The following RNF125 variants were observed in gnomAD, a reference collection of about 807,000 sequenced individuals.
RNF125 encodes the protein ring finger protein 125.
Under a neutral mutation model 26.0 loss-of-function variants are expected in RNF125, and 21 were observed. The ratio of observed to expected loss-of-function variants is 0.81; its 90% confidence interval spans 0.57 to 1.16. The LOEUF (loss-of-function observed/expected upper bound fraction) is 1.16. Ranked by LOEUF, RNF125 falls within the 50% of genes most tolerant of loss-of-function variation. The probability of loss-of-function intolerance (pLI) is 0.00; values close to 1 mark genes in which losing one functional copy is unlikely to be tolerated. For synonymous variants in RNF125, 95 were observed against 109.2 expected (o/e 0.87, Z 0.81); for missense variants, 270 against 299.4 (o/e 0.90, Z 0.72).
chr18:32,037,666 C>T (rs900882384), intron 2 of RNF125, among the ~76,000 whole-genome samples: 3 of 152,080 alleles, frequency 2.0e-5, no homozygotes, highest in African/African-American at 7.2e-5. Context: ...AGCTGGACTT[C>T]CCGGGTAGAG....
intron 3 of RNF125, among the ~76,000 whole-genome samples, chr18:32,044,883 G>A (rs531899411): frequency 1.3e-5 from 2 of 152,092 alleles, no homozygotes; most frequent in Admixed American, 6.5e-5. Context: ...CACTTTGGGA[G>A]GTCAAGGCGG....
intron 4 of RNF125, among the ~76,000 whole-genome samples, chr18:32,046,214 CAAAAAAAAAAA>C (rs768054716): frequency 1.3e-5 from 1 of 76,176 alleles, no homozygotes; most frequent in South Asian, 5.1e-4. Flanking sequence ...AAGACTGTCT[CAAAAAAAAAAA>C]AAAAAAAAAA....
chr18:32,030,760 A>G (rs2039085519), intron 1 of RNF125, among the ~76,000 whole-genome samples: 1 of 152,244 alleles, frequency 6.6e-6, no homozygotes, highest in African/African-American at 2.4e-5. Flanking sequence ...GAGGCTAGGA[A>G]GTCCAAGAGC....
At chr18:32,041,054 C>T (rs1337997939) in intron 2 of RNF125, among the ~76,000 whole-genome samples, 2 of 152,098 alleles carry the variant, frequency 1.3e-5, no homozygotes, top group Admixed American at 6.6e-5. Flanking sequence ...GTTTAACTTC[C>T]GTAGCTTGGG....
intron 1 of RNF125, among the ~76,000 whole-genome samples, chr18:32,032,852 C>CA (rs113015805): frequency 9.3e-5 from 14 of 150,356 alleles, no homozygotes; most frequent in African/African-American, 2.7e-4. Context: ...AGACATCTGG[C>CA]AAAAAAAACC....
chr18:32,043,651 C>G (rs1315098603), intron 3 of RNF125, among the ~76,000 whole-genome samples: 1 of 152,066 alleles, frequency 6.6e-6, no homozygotes, highest in East Asian at 1.9e-4. Context: ...AGGTTGATGG[C>G]TTTTATGAAA....
chr18:32,019,169 G>A, intron 1 of RNF125, 142 bp downstream of exon 1: 1 of 976,956 alleles, frequency 1.0e-6, no homozygotes, highest in Non-Finnish European at 1.5e-6. Flanking sequence ...CCCGTCGGAT[G>A]CAGGACCACG....
intron 4 of RNF125, among the ~76,000 whole-genome samples, chr18:32,062,405 T>C (rs2039443313): frequency 6.6e-6 from 1 of 152,190 alleles, no homozygotes; most frequent in African/African-American, 2.4e-5. Context: ...TCAGGGAAAA[T>C]TAAATGCTGT....
At chr18:32,019,516 G>A (rs2038965198) in intron 1 of RNF125, among the ~76,000 whole-genome samples, 2 of 152,216 alleles carry the variant, frequency 1.3e-5, no homozygotes, top group African/African-American at 4.8e-5. Context: ...TGCTGGAGCT[G>A]TGCACGTGTT....
In RNF125 at chr18:32,057,526, AG is replaced by A. The variant is rs560797640; in HGVS notation, c.505-8375del. 5.2e-3 allele frequency among the ~76,000 whole-genome samples: 786 copies of A among 151,642 alleles called. 7 individuals carry two copies. Among genetic ancestry groups the A allele is most frequent in the African/African-American group, 0.018 (746 of 41,380 alleles). On this transcript the variant is annotated intron_variant, in intron 4 of 5. Coordinates refer to ENST00000217740, the MANE Select transcript of RNF125 (RefSeq NM_017831.4). ...ATTTTTATATTTTTAGTAGAGACGG[AG>A]TTTCTCCATGTTGGTCAGGCTGGTC...
At chr18:32,060,134 A>G (rs1257016943) in intron 4 of RNF125, among the ~76,000 whole-genome samples, 1 of 152,232 alleles carries the variant, frequency 6.6e-6, no homozygotes, top group Non-Finnish European at 1.5e-5. Flanking sequence ...ATTGCATAGA[A>G]AGGGCCTATT....
Position 32,041,620 on chromosome 18 carries a change from C to CTTTTTTT in RNF125, c.319-537_319-531dup, listed in dbSNP as rs60264747. 1.8e-4 allele frequency among the ~76,000 whole-genome samples: 17 copies of CTTTTTTT among 93,276 alleles called. 2 individuals are homozygous for CTTTTTTT. The highest frequency in any genetic ancestry group is 3.5e-4 in the African/African-American group (9 of 25,420). 61.2% of individuals were successfully genotyped at this position (93,276 alleles called of 152,430 possible). A position where few individuals can be genotyped will look rare whatever the true frequency, so the allele number is the denominator to read the frequency against. Reference sequence around the variant, plus strand: ...CTATCTACTTTAAAAAATGTAGATGCTTTTTTTTTTTTTTTTTTTTTTTTT... The same window carrying CTTTTTTT: ...CTATCTACTTTAAAAAATGTAGATGCTTTTTTTTTTTTTTTTTTTTTTTTTTTTTTTT... On this transcript the variant is annotated intron_variant, in intron 2 of 5. Transcript: ENST00000217740.
intron 1 of RNF125, among the ~76,000 whole-genome samples, chr18:32,026,290 CCAGGCTAGAGTG>C (rs1409502030): frequency 1.6e-5 from 2 of 124,706 alleles, no homozygotes; most frequent in Non-Finnish European, 3.2e-5. Flanking sequence ...GCTCTGTCGT[CCAGGCTAGAGTG>C]CAGTGGCCCG....
chr18:32,078,767 G>A, the RNF125 span, among the ~76,000 whole-genome samples: 2 of 152,038 alleles, frequency 1.3e-5, no homozygotes, highest in Non-Finnish European at 2.9e-5. Context: ...AATTCTCATA[G>A]AGCAATCCTT....
the RNF125 span, among the ~76,000 whole-genome samples, chr18:32,090,220 T>G: frequency 4.6e-5 from 7 of 152,174 alleles, no homozygotes; most frequent in East Asian, 1.3e-3. Flanking sequence ...CACCCCAGCC[T>G]GGGTGACAGA....
At chr18:32,037,069 T>G (rs1365170586) in intron 1 of RNF125, 47 bp from the exon 2 acceptor site, 6 of 1,543,002 alleles carry the variant, frequency 3.9e-6, no homozygotes, top group Non-Finnish European at 5.2e-6. Flanking sequence ...TGGTGGCTCC[T>G]TATAGCTTTC....
At chr18:32,034,928 A>C in intron 1 of RNF125, among the ~76,000 whole-genome samples, 1 of 151,858 alleles carries the variant, frequency 6.6e-6, no homozygotes, top group Non-Finnish European at 1.5e-5. Flanking sequence ...ATTACCATAC[A>C]ATAACAAAAA....
intron 4 of RNF125, among the ~76,000 whole-genome samples, chr18:32,048,742 G>A (rs1254222939): frequency 6.6e-6 from 1 of 152,156 alleles, no homozygotes. Flanking sequence ...GGCTAAGTAG[G>A]AGCTTGTTAG....
chr18:32,023,397 C>A (rs911295365), intron 1 of RNF125, among the ~76,000 whole-genome samples: 1 of 152,148 alleles, frequency 6.6e-6, no homozygotes, highest in Admixed American at 6.5e-5. Context: ...AGGTGATTTG[C>A]CTGCCTCGGC....
Sources: gnomAD v4.1 joint callset for allele counts (sites outside exome capture counted in the v4.1 genomes callset) on GRCh38, gnomAD v4.1.1 for gene constraint, MANE v1.5 for transcripts, NCBI Gene and HGNC (gene_info 2026-07-23, HGNC 2026-07-21) for gene names.